Variants in PIR observed in about 807,000 individuals in gnomAD.
The protein encoded by PIR is pirin, also known as pirin (iron-binding nuclear protein).
In PIR, 22 loss-of-function variants were observed where a neutral mutation model predicts 24.2. The ratio of observed to expected loss-of-function variants is 0.91; its 90% CI spans 0.65 to 1.30. The LOEUF (loss-of-function observed/expected upper bound fraction) is 1.30, where lower values mean the gene tolerates loss of function less well. Ranked by LOEUF, PIR falls within the 50% of genes most tolerant of loss-of-function variation. The pLI, the probability that PIR is intolerant of heterozygous loss-of-function variation, is 0.00. For missense variants in PIR, 220 were observed against 220.3 expected (o/e 1.00, Z 0.01); for synonymous variants, 80 against 79.6 (o/e 1.00, Z -0.03).
intron 5 of PIR, among the ~76,000 whole-genome samples, chrX:15,447,807 T>C (rs758667057): frequency 1.7e-4 from 19 of 112,067 alleles, no homozygotes; most frequent in Admixed American, 9.4e-5. Flanking sequence ...CAAGTCTTGA[T>C]GGCCATAGAA....
chrX:15,405,174 T>G (rs1427793721), intron 7 of PIR, among the ~76,000 whole-genome samples: 1 of 112,020 alleles, frequency 8.9e-6, no homozygotes, highest in Non-Finnish European at 1.9e-5. Context: ...ACTCGTTAAT[T>G]TCTTTCCCCT....
At chrX:15,451,092 T>C (rs1021015782) in intron 5 of PIR, among the ~76,000 whole-genome samples, 1 of 111,747 alleles carries the variant, frequency 8.9e-6, no homozygotes, top group African/African-American at 3.3e-5. Context: ...AGTGGGCAGG[T>C]TGCTCGTTGA....
At chrX:15,422,714 A>G (rs1298625991) in intron 6 of PIR, among the ~76,000 whole-genome samples, 1 of 112,093 alleles carries the variant, frequency 8.9e-6, no homozygotes, top group Admixed American at 9.5e-5. Context: ...TTCTGTGCTC[A>G]TGGATTGGAA....
At chrX:15,398,944 C>G (rs1411832792) in intron 7 of PIR, among the ~76,000 whole-genome samples, 1 of 111,393 alleles carries the variant, frequency 9.0e-6, no homozygotes, top group Non-Finnish European at 1.9e-5. Context: ...AGAGAAAATT[C>G]TAACATGATT....
intron 6 of PIR, among the ~76,000 whole-genome samples, chrX:15,419,206 T>C (rs1337634051): frequency 1.8e-5 from 2 of 111,713 alleles, no homozygotes; most frequent in Non-Finnish European, 3.8e-5. Context: ...ATCCAGTATG[T>C]CTGATGACAG....
intron 9 of PIR, among the ~76,000 whole-genome samples, chrX:15,389,575 T>G (rs1362986878): frequency 9.0e-6 from 1 of 111,696 alleles, no homozygotes; most frequent in Non-Finnish European, 1.9e-5. Context: ...TGCTTTTAGA[T>G]GTTCCTCATT....
chrX:15,396,956 G>A lies in PIR; in HGVS notation c.693+493C>T, dbSNP rs776158570. On this transcript the variant is annotated intron_variant, in intron 8 of 9. Coordinates refer to ENST00000380420, the MANE Select transcript of PIR (RefSeq NM_001018109.3). Reference sequence around the variant, plus strand: ...GGGGTTTCACCGTGTTAGCCAGGATGGTCTCGATTTCCTGACATCGTGATC... The same window carrying A: ...GGGGTTTCACCGTGTTAGCCAGGATAGTCTCGATTTCCTGACATCGTGATC... Among the ~76,000 whole-genome samples, 5 of 111,546 alleles carry A rather than the reference G, an allele frequency of 4.5e-5. No homozygotes were observed. In the East Asian group the frequency reaches 8.5e-4, roughly 19 times the overall value.
At chrX:15,387,769 C>T (rs1923822364) in intron 9 of PIR, among the ~76,000 whole-genome samples, 1 of 111,454 alleles carries the variant, frequency 9.0e-6, no homozygotes, top group Non-Finnish European at 1.9e-5. Context: ...GAATGGTGTG[C>T]TTCTAGGCTT....
At chrX:15,395,233 C>T (rs1924090955) in intron 8 of PIR, among the ~76,000 whole-genome samples, 2 of 111,703 alleles carry the variant, frequency 1.8e-5, no homozygotes, top group Non-Finnish European at 3.8e-5. Context: ...GCCTTCAGGT[C>T]TACTGTATAA....
rs766509434 is a variant in PIR, at chrX:15,407,501, C to T, written c.610+5G>A. The T allele has an allele frequency of 3.4e-6, 4 of 1,190,509 alleles. No homozygotes were observed. Among genetic ancestry groups the T allele is most frequent in the Non-Finnish European group, 4.6e-6 (4 of 877,433 alleles). ...TGAGCCCTAAGTGACACAGCCATAA[C>T]TTACCAATATACACATCTCCAGATA... On this transcript the variant is annotated splice_donor_5th_base_variant and intron_variant, in intron 7 of 9. Transcript: ENST00000380420.
At position 15,443,302 on chromosome X, in the gene PIR, A is replaced by T. The variant is rs765076052; in HGVS notation, c.480+12546T>A. Among the ~76,000 whole-genome samples, 17 of 111,631 alleles carry T rather than the reference A, an allele frequency of 1.5e-4. 1 individual carries two copies. The South Asian group carries it at 5.2e-3, about 34-fold the overall frequency. ...TTGAGCCCTACTATTCAGAAAAAAAAATATTCCTTTAAAAATATTACTGCT... is the reference window on the plus strand; with the variant it reads ...TTGAGCCCTACTATTCAGAAAAAAATATATTCCTTTAAAAATATTACTGCT... On this transcript the variant is annotated intron_variant, in intron 5 of 9. Coordinates refer to ENST00000380420, the MANE Select transcript of PIR (RefSeq NM_001018109.3).
rs781363798 is a variant in PIR at position 15,427,955 on chromosome X, AT to A, written c.481-1966del. On this transcript the variant is annotated intron_variant, in intron 5 of 9. Coordinates refer to ENST00000380420, the MANE Select transcript of PIR (RefSeq NM_001018109.3). ...GGTGAATTTGGTATGGTCAAAATAT[AT>A]TGTCTGTACATTAAATTTTGAAATA... Among the ~76,000 whole-genome samples, 463 of 111,285 alleles carry A rather than the reference AT, an allele frequency of 4.2e-3. 2 individuals are homozygous for A. Among genetic ancestry groups the A allele is most frequent in the African/African-American group, 0.015 (444 of 30,600 alleles).
At chrX:15,429,506 G>T (rs1334205682) in intron 5 of PIR, 2 of 111,613 alleles carry the variant, frequency 1.8e-5, no homozygotes, top group African/African-American at 6.5e-5. Flanking sequence ...CATATGTCTT[G>T]AATAATAAAC....
intron 9 of PIR, among the ~76,000 whole-genome samples, chrX:15,387,068 CTTTT>C (rs1923781764): frequency 4.8e-5 from 3 of 62,085 alleles, no homozygotes; most frequent in Admixed American, 2.1e-4. Flanking sequence ...TTTTTCTTTT[CTTTT>C]CTTTTTTTTT....
At chrX:15,462,397 C>G (rs892584921) in intron 3 of PIR, among the ~76,000 whole-genome samples, 1 of 111,450 alleles carries the variant, frequency 9.0e-6, no homozygotes, top group Non-Finnish European at 1.9e-5. Context: ...TATCTGTTAA[C>G]TCCTTCAAGA....
At chrX:15,424,493 T>C (rs963438101) in intron 6 of PIR, among the ~76,000 whole-genome samples, 1 of 111,964 alleles carries the variant, frequency 8.9e-6, no homozygotes, top group Non-Finnish European at 1.9e-5. Flanking sequence ...GATAGATCAG[T>C]AGGACGACTA....
chrX:15,479,572 T>G (rs1047063519), intron 3 of PIR, among the ~76,000 whole-genome samples, 157 bp downstream of exon 3: 2 of 112,069 alleles, frequency 1.8e-5, no homozygotes, highest in Admixed American at 9.5e-5. Context: ...CTAAAAACAG[T>G]AAATATTTAA....
chrX:15,423,827 A>T (rs1458203335), intron 6 of PIR, among the ~76,000 whole-genome samples: 2 of 112,456 alleles, frequency 1.8e-5, no homozygotes, highest in African/African-American at 6.5e-5. Context: ...CAAAATGCTC[A>T]ACATTACTAA....
At chrX:15,434,214 AAG>A (rs1186873397) in intron 5 of PIR, among the ~76,000 whole-genome samples, 230 of 98,898 alleles carry the variant, frequency 2.3e-3, no homozygotes, top group African/African-American at 7.2e-3. Context: ...GAGGAGGAGA[AAG>A]AAGAAGAAGG....
Sources: allele counts gnomAD v4.1 joint callset (sites outside exome capture counted in the v4.1 genomes callset), GRCh38; gene constraint gnomAD v4.1.1; transcripts MANE v1.5; gene names NCBI Gene and HGNC (gene_info 2026-07-23, HGNC 2026-07-21).